Variants in DMD observed in about 807,000 individuals in gnomAD.
DMD encodes mutant dystrophin.
DMD carries 63 observed loss-of-function variants against 330.1 expected under a neutral mutation model. The ratio of observed to expected loss-of-function variants is 0.19; its 90% CI spans 0.16 to 0.24. The LOEUF (loss-of-function observed/expected upper bound fraction) is 0.24. Among genes scored for constraint, DMD ranks in the 10% least tolerant of loss-of-function variants. DMD has a pLI of 1.00. For missense variants in DMD, 3,344 were observed against 2,684.1 expected, an observed-to-expected ratio of 1.25 and a Z score of -5.43; for synonymous variants, 1,223 against 959.8, an observed-to-expected ratio of 1.27 and a Z score of -5.07.
chrX:32,150,968 A>C (rs1425402226), intron 44 of DMD, among the ~76,000 whole-genome samples: 1 of 111,454 alleles, frequency 9.0e-6, no homozygotes, highest in Non-Finnish European at 1.9e-5. Flanking sequence ...GAAGCACATG[A>C]CACCTAAATG....
chrX:33,158,296 C>A (rs1261533120), intron 1 of DMD, among the ~76,000 whole-genome samples: 1 of 111,591 alleles, frequency 9.0e-6, no homozygotes, highest in East Asian at 2.9e-4. Context: ...ATATGCCAAC[C>A]TGAAGAACGT....
At chrX:33,046,942 T>A (rs767604917) in intron 1 of DMD, among the ~76,000 whole-genome samples, 1 of 112,303 alleles carries the variant, frequency 8.9e-6, no homozygotes, top group South Asian at 3.7e-4. Context: ...GGAGAGAGAA[T>A]ATAGTTTGTC....
intron 60 of DMD, among the ~76,000 whole-genome samples, chrX:31,362,962 C>T (rs2059021609): frequency 1.8e-5 from 2 of 111,658 alleles, no homozygotes; most frequent in Admixed American, 9.5e-5. Context: ...AAAACAAAAA[C>T]AAAAACAAAC....
At chrX:31,618,384 T>C (rs1290375854) in intron 55 of DMD, among the ~76,000 whole-genome samples, 1 of 111,671 alleles carries the variant, frequency 9.0e-6, no homozygotes, top group African/African-American at 3.3e-5. Context: ...TGAGTAGATT[T>C]CTAGGGCAAT....
At position 31,322,524 on chromosome X, in the gene DMD, C is replaced by G. The variant is rs368369335; in HGVS notation, c.9224+1074G>C. On this transcript the variant is annotated intron_variant, in intron 62 of 78. Coordinates refer to ENST00000357033, the MANE Select transcript of DMD (RefSeq NM_004006.3). ...CCTCATCTGGAAAAATGTAATAAGA[C>G]AAATGGTAAACCGTTTCCTAAAGTA... 2.0e-3 allele frequency among the ~76,000 whole-genome samples: 220 copies of G among 111,939 alleles called. 1 individual carries two copies. The highest frequency in any genetic ancestry group is 6.5e-3 in the African/African-American group (201 of 30,923).
At chrX:32,445,797 G>C (rs889345046) in intron 27 of DMD, among the ~76,000 whole-genome samples, 3 of 110,652 alleles carry the variant, frequency 2.7e-5, no homozygotes, top group African/African-American at 9.8e-5. Context: ...CCATAACAAA[G>C]AACAGATTTG....
chrX:32,369,644 C>T (rs6631561), intron 34 of DMD, among the ~76,000 whole-genome samples: 46,458 of 109,987 alleles, frequency 0.42, 7,520 homozygotes, highest in East Asian at 0.75. Context: ...CTCTCCTCCA[C>T]CCATTTCGTA....
intron 33 of DMD, among the ~76,000 whole-genome samples, chrX:32,383,437 C>A (rs992587936): frequency 3.1e-4 from 34 of 111,328 alleles, no homozygotes; most frequent in African/African-American, 1.1e-3. Flanking sequence ...GTTGCCTTTG[C>A]TTTCATTAGA....
chrX:32,362,778 A>G lies in DMD; in HGVS notation c.5325+10T>C, dbSNP rs1379139737. ...AGCACAAGTTTCCACCTTGGAGTAG[A>G]TCTTCCTACCTTTCCAGTCTTAATT... On this transcript the variant is annotated intron_variant, in intron 37 of 78. Coordinates refer to ENST00000357033, the MANE Select transcript of DMD (RefSeq NM_004006.3). 9 of 1,210,832 alleles carry G rather than the reference A, an allele frequency of 7.4e-6. No individual in the cohort carries two copies. Among genetic ancestry groups the G allele is most frequent in the Non-Finnish European group, 8.9e-6 (8 of 894,994 alleles).
chrX:32,125,274 T>C (rs2096656122), intron 44 of DMD, among the ~76,000 whole-genome samples: 1 of 111,163 alleles, frequency 9.0e-6, no homozygotes, highest in Admixed American at 9.6e-5. Context: ...ACTGTAGAGA[T>C]ATTGAGAAGG....
intron 1 of DMD, among the ~76,000 whole-genome samples, chrX:33,241,198 C>T (rs1258952520): frequency 8.9e-6 from 1 of 111,873 alleles, no homozygotes. Context: ...TCAGGTCTTA[C>T]GTTTATGCCT....
chrX:33,337,630 T>C, intron 1 of DMD, among the ~76,000 whole-genome samples: 1 of 112,334 alleles, frequency 8.9e-6, no homozygotes, highest in East Asian at 2.8e-4. Flanking sequence ...CGGTAATGTA[T>C]GCTTCAAGGT....
rs1404041134 is a variant in DMD at position 32,572,815 on chromosome X, A to AG, written c.1812+714dup. On this transcript the variant is annotated intron_variant, in intron 15 of 78. Coordinates refer to ENST00000357033, the MANE Select transcript of DMD (RefSeq NM_004006.3). ...CCTGGTGGGAGGTGATTGGCTCATGAGGGCGGATGTCTCATGAATGGCTTA... is the reference window on the plus strand; with the variant it reads ...CCTGGTGGGAGGTGATTGGCTCATGAGGGGCGGATGTCTCATGAATGGCTTA... 2.7e-5 allele frequency among the ~76,000 whole-genome samples: 3 copies of AG among 111,070 alleles called. No homozygotes were observed. The East Asian group carries it at 8.5e-4, about 31-fold the overall frequency.
At chrX:31,366,496 A>AC (rs2059256025) in intron 60 of DMD, among the ~76,000 whole-genome samples, 5 of 63,515 alleles carry the variant, frequency 7.9e-5, no homozygotes, top group Non-Finnish European at 1.5e-4. Context: ...AAAAAAAAAA[A>AC]CATAAAAAAA....
chrX:31,804,310 T>C (rs922875210), intron 50 of DMD, among the ~76,000 whole-genome samples: 20 of 111,793 alleles, frequency 1.8e-4, no homozygotes, highest in African/African-American at 5.9e-4. Context: ...CTCCATTTTA[T>C]GTCCAATCAG....
Position 32,412,261 on chromosome X carries a change from T to TGTCTTTACTCTAGTTAAAATCATTA in DMD, c.4072-349_4072-348insTAATGATTTTAACTAGAGTAAAGAC. 3.1e-6 allele frequency: 3 copies of TGTCTTTACTCTAGTTAAAATCATTA among 981,736 alleles called. No homozygotes were observed. The African/African-American group carries it at 5.9e-5, about 19-fold the overall frequency. 80.9% of individuals were successfully genotyped at this position (981,736 alleles called of 1,213,427 possible). ...GTTCCTCCTGATCTCATTATATAGT[T>TGTCTTTACTCTAGTTAAAATCATTA]CAAGAGATTTGGTTTGCTTAGAATA... On this transcript the variant is annotated intron_variant, in intron 29 of 78. Transcript: ENST00000357033.
At chrX:32,601,156 G>A (rs1489768533) in intron 12 of DMD, among the ~76,000 whole-genome samples, 2 of 111,095 alleles carry the variant, frequency 1.8e-5, no homozygotes, top group South Asian at 3.8e-4. Context: ...AAGGACTTTC[G>A]ATTTTATTTG....
chrX:32,013,928 T>C (rs1239757164), intron 44 of DMD, among the ~76,000 whole-genome samples: 1 of 112,505 alleles, frequency 8.9e-6, no homozygotes, highest in South Asian at 3.7e-4. Context: ...ATGATTTATT[T>C]AGACAAATAT....
intron 7 of DMD, among the ~76,000 whole-genome samples, chrX:32,731,971 G>T (rs1050584710): frequency 7.2e-5 from 8 of 111,616 alleles, no homozygotes; most frequent in African/African-American, 2.3e-4. Flanking sequence ...TCTGAGCTAC[G>T]GGAGGACATT....
Sources: gnomAD v4.1 joint callset for allele counts (sites outside exome capture counted in the v4.1 genomes callset) on GRCh38, gnomAD v4.1.1 for gene constraint, MANE v1.5 for transcripts, NCBI Gene and HGNC (gene_info 2026-07-23, HGNC 2026-07-21) for gene names.